The following ATP10D variants were observed in gnomAD, a reference collection of about 807,000 sequenced individuals.
ATP10D encodes the protein phospholipid-transporting ATPase VD.
ATP10D carries 89 observed loss-of-function variants against 144.8 expected under a neutral mutation model. The observed-to-expected ratio is 0.61, with a 90% CI of 0.52 to 0.73. The LOEUF (loss-of-function observed/expected upper bound fraction) is 0.73, where lower values mean the gene tolerates loss of function less well. ATP10D is among the 30% of genes least tolerant of loss of function. The probability of loss-of-function intolerance (pLI) is 0.00; values close to 1 mark genes in which losing one functional copy is unlikely to be tolerated. For missense variants in ATP10D, 1,603 were observed against 1,714.8 expected, an observed-to-expected ratio of 0.93 and a Z score of 1.15; for synonymous variants, 571 against 615.1, an observed-to-expected ratio of 0.93 and a Z score of 1.06.
At chr4:47,575,295 C>T (rs1720170157) in intron 18 of ATP10D, among the ~76,000 whole-genome samples, 1 of 152,172 alleles carries the variant, frequency 6.6e-6, no homozygotes, top group Admixed American at 6.5e-5. Context: ...ATGTCCTTTC[C>T]TGTGGCCTGC....
At chr4:47,511,711 T>A (rs1284511175) in intron 1 of ATP10D, among the ~76,000 whole-genome samples, 2 of 152,230 alleles carry the variant, frequency 1.3e-5, no homozygotes. Context: ...CAAGTCGGGC[T>A]GAGCTCAGCT....
At chr4:47,526,133 T>C (rs575980367) in intron 5 of ATP10D, among the ~76,000 whole-genome samples, 1 of 152,332 alleles carries the variant, frequency 6.6e-6, no homozygotes, top group East Asian at 1.9e-4. Flanking sequence ...ATATCCTACA[T>C]GAGCATAGAT....
chr4:47,508,797 A>G (rs961834782), intron 1 of ATP10D, among the ~76,000 whole-genome samples: 1 of 152,192 alleles, frequency 6.6e-6, no homozygotes, highest in Non-Finnish European at 1.5e-5. Context: ...ATTTATGTTT[A>G]TAAAACAAAA....
chr4:47,538,228 AT>A (rs1295552191), intron 9 of ATP10D, among the ~76,000 whole-genome samples: 1 of 152,112 alleles, frequency 6.6e-6, no homozygotes, highest in Non-Finnish European at 1.5e-5. Context: ...TGGTAAATTA[AT>A]TGAATTATTT....
At chr4:47,570,114 GA>G (rs1719872481) in intron 16 of ATP10D, among the ~76,000 whole-genome samples, 1 of 152,132 alleles carries the variant, frequency 6.6e-6, no homozygotes, top group African/African-American at 2.4e-5. Context: ...GTAATTGTTG[GA>G]CTGCAAAGAC....
At chr4:47,524,192 C>T (rs1009399733) in intron 4 of ATP10D, among the ~76,000 whole-genome samples, 1 of 152,076 alleles carries the variant, frequency 6.6e-6, no homozygotes, top group Admixed American at 6.6e-5. Flanking sequence ...TCCCAAAGTG[C>T]TGGGATTACA....
intron 19 of ATP10D, among the ~76,000 whole-genome samples, chr4:47,580,083 G>A (rs1251690447): frequency 6.6e-6 from 1 of 152,176 alleles, no homozygotes; most frequent in Non-Finnish European, 1.5e-5. Flanking sequence ...AGTTGGAGAA[G>A]TTTTGAAACA....
chr4:47,583,633 T>C (rs1720639113), intron 21 of ATP10D, among the ~76,000 whole-genome samples: 1 of 152,194 alleles, frequency 6.6e-6, no homozygotes, highest in Admixed American at 6.5e-5. Context: ...GCATTGGTAC[T>C]TTTGGTGGCC....
chr4:47,544,254 A>C (rs1309610172), intron 9 of ATP10D, among the ~76,000 whole-genome samples: 2 of 152,246 alleles, frequency 1.3e-5, no homozygotes, highest in African/African-American at 4.8e-5. Context: ...GTACATAAGC[A>C]AATGCCTGGT....
intron 21 of ATP10D, chr4:47,582,839 ATTAT>A (rs1480596956): frequency 2.6e-5 from 4 of 152,254 alleles, no homozygotes; most frequent in African/African-American, 4.8e-5. Flanking sequence ...ATAATTTATA[ATTAT>A]TTATTTAATT....
At chr4:47,583,552 G>A (rs528561471) in intron 21 of ATP10D, among the ~76,000 whole-genome samples, 139 of 152,274 alleles carry the variant, frequency 9.1e-4, no homozygotes, top group African/African-American at 3.2e-3. Context: ...TACCAGATGG[G>A]TAGAGTAAAG....
At chr4:47,575,862 G>A (rs1296319163) in intron 18 of ATP10D, among the ~76,000 whole-genome samples, 1 of 148,020 alleles carries the variant, frequency 6.8e-6, no homozygotes, top group Non-Finnish European at 1.5e-5. Flanking sequence ...CTTCTGGATT[G>A]TAGATTTCTC....
intron 16 of ATP10D, among the ~76,000 whole-genome samples, chr4:47,569,857 T>C (rs995001425): frequency 6.6e-6 from 1 of 152,126 alleles, no homozygotes; most frequent in African/African-American, 2.4e-5. Context: ...AGAACATTTC[T>C]GGAAGAGAAG....
chr4:47,554,320 G>A (rs1718869050), intron 10 of ATP10D, among the ~76,000 whole-genome samples: 1 of 152,168 alleles, frequency 6.6e-6, no homozygotes, highest in Non-Finnish European at 1.5e-5. Flanking sequence ...AACATGGTAT[G>A]AATAATGCCC....
chr4:47,496,823 T>G (rs1373476604), intron 1 of ATP10D, among the ~76,000 whole-genome samples: 1 of 151,984 alleles, frequency 6.6e-6, no homozygotes, highest in Non-Finnish European at 1.5e-5. Flanking sequence ...ATTTTTAATA[T>G]TTATCTTATA....
intron 1 of ATP10D, among the ~76,000 whole-genome samples, chr4:47,501,910 G>A (rs373785014): frequency 3.1e-4 from 47 of 151,974 alleles, no homozygotes; most frequent in African/African-American, 8.2e-4. Context: ...TTTCAATAAC[G>A]TATTATTTTA....
At chr4:47,562,456 A>G (rs1027565174) in intron 14 of ATP10D, among the ~76,000 whole-genome samples, 1 of 152,224 alleles carries the variant, frequency 6.6e-6, no homozygotes, top group East Asian at 1.9e-4. Flanking sequence ...ATCACTAGTT[A>G]TCAGATGCAG....
In ATP10D at chr4:47,488,497, C is replaced by T. The variant is rs148886721; in HGVS notation, c.-38+2978C>T. 6.6e-4 allele frequency among the ~76,000 whole-genome samples: 99 copies of T among 150,758 alleles called. 1 individual carries two copies. The highest frequency in any genetic ancestry group is 2.2e-3 in the African/African-American group (91 of 41,126). ...AATGTATTCCTAGGTGGTAAAGTTA[C>T]AGCTTGATTTTCTTTTTTATATTTT... On this transcript the variant is annotated intron_variant, in intron 1 of 22. Transcript: ENST00000273859.
intron 9 of ATP10D, among the ~76,000 whole-genome samples, chr4:47,541,188 CAAAATGAGTTCTCT>C (rs1718116357): frequency 6.6e-6 from 1 of 152,122 alleles, no homozygotes. Context: ...GCAAATGGCA[CAAAATGAGTTCTCT>C]ATAAATATAG....
Sources: allele counts gnomAD v4.1 joint callset (sites outside exome capture counted in the v4.1 genomes callset), GRCh38; gene constraint gnomAD v4.1.1; transcripts MANE v1.5; gene names NCBI Gene and HGNC (gene_info 2026-07-23, HGNC 2026-07-21).